PAQR8: variants seen among roughly 807,000 people sequenced by gnomAD.
PAQR8 encodes membrane progestin receptor beta.
PAQR8 carries 17 observed loss-of-function variants against 25.2 expected under a neutral mutation model. The ratio of observed to expected loss-of-function variants is 0.67; its 90% CI spans 0.46 to 1.01. The LOEUF (loss-of-function observed/expected upper bound fraction) is 1.01. PAQR8 is among the 50% of genes least tolerant of loss of function. The pLI, the probability that PAQR8 is intolerant of heterozygous loss-of-function variation, is 0.00. For missense variants in PAQR8, 392 were observed against 448.4 expected (o/e 0.87, Z 1.14); for synonymous variants, 204 against 190.6 (o/e 1.07, Z -0.58).
chr6:52,363,102 G>C (rs945866049), intron 1 of PAQR8, among the ~76,000 whole-genome samples: 3 of 152,162 alleles, frequency 2.0e-5, no homozygotes, highest in African/African-American at 7.2e-5. Flanking sequence ...TAGGGAGCAA[G>C]ACCGGGCATC....
chr6:52,393,647 A>G (rs1763735907), intron 1 of PAQR8, among the ~76,000 whole-genome samples: 1 of 152,100 alleles, frequency 6.6e-6, no homozygotes. Flanking sequence ...GACACTTTCC[A>G]TTCATTCATT....
rs192456360 is a variant in PAQR8 at position 52,377,750 on chromosome 6, A to G, written c.-53+15501A>G. On this transcript the variant is annotated intron_variant, in intron 1 of 1. Coordinates refer to ENST00000442253, the MANE Select transcript of PAQR8 (RefSeq NM_133367.5). Reference sequence around the variant, plus strand: ...GTTAAGAGCAAAACTTAAAGGGGAAACTTAACTTCCCCTTTAAGTTTTGCT... The same window carrying G: ...GTTAAGAGCAAAACTTAAAGGGGAAGCTTAACTTCCCCTTTAAGTTTTGCT... 6.5e-4 allele frequency among the ~76,000 whole-genome samples: 92 copies of G among 140,656 alleles called. 1 individual carries two copies. The East Asian group carries it at 0.018, about 28-fold the overall frequency. The allele number at this position is 140,656 out of a possible 152,430, so 92.3% of individuals were successfully genotyped here. A position where few individuals can be genotyped will look rare whatever the true frequency, so the allele number is the denominator to read the frequency against.
intron 1 of PAQR8, among the ~76,000 whole-genome samples, chr6:52,385,999 C>A (rs1194767983): frequency 6.6e-6 from 1 of 152,030 alleles, no homozygotes; most frequent in African/African-American, 2.4e-5. Flanking sequence ...CTTTAAATCA[C>A]CAAGCAAAAA....
chr6:52,401,891 A>G (rs1763834259), intron 1 of PAQR8, among the ~76,000 whole-genome samples: 1 of 152,244 alleles, frequency 6.6e-6, no homozygotes, highest in Non-Finnish European at 1.5e-5. Flanking sequence ...TCATGCTATT[A>G]AAGCCTGTTT....
At chr6:52,386,911 G>C (rs1232543292) in intron 1 of PAQR8, among the ~76,000 whole-genome samples, 1 of 152,198 alleles carries the variant, frequency 6.6e-6, no homozygotes, top group Non-Finnish European at 1.5e-5. Context: ...GTAGGTAATT[G>C]TAATATCATG....
At chr6:52,402,386 G>A (rs1413078876) in intron 1 of PAQR8, among the ~76,000 whole-genome samples, 3 of 151,732 alleles carry the variant, frequency 2.0e-5, no homozygotes, top group Admixed American at 6.6e-5. Context: ...GGGAGGCTGA[G>A]GTGGGCGGAT....
intron 1 of PAQR8, among the ~76,000 whole-genome samples, chr6:52,398,282 C>A (rs1429575278): frequency 2.7e-5 from 4 of 150,056 alleles, no homozygotes; most frequent in Non-Finnish European, 5.9e-5. Flanking sequence ...TCTTGGCTCA[C>A]TGCAACCTCC....
chr6:52,375,131 C>T (rs80038262), intron 1 of PAQR8, among the ~76,000 whole-genome samples: 1 of 152,176 alleles, frequency 6.6e-6, no homozygotes, highest in African/African-American at 2.4e-5. Context: ...ATAGTAGAGT[C>T]AGCTCGGGGG....
intron 1 of PAQR8, among the ~76,000 whole-genome samples, chr6:52,387,500 GA>G: frequency 6.6e-6 from 1 of 152,060 alleles, no homozygotes; most frequent in South Asian, 2.1e-4. Flanking sequence ...TAAAATCTTT[GA>G]AAAAATATTT....
At chr6:52,366,005 C>T (rs758310313) in intron 1 of PAQR8, among the ~76,000 whole-genome samples, 24 of 152,080 alleles carry the variant, frequency 1.6e-4, no homozygotes, top group Non-Finnish European at 2.6e-4. Flanking sequence ...TCTCTTGGCA[C>T]GTATTGAAAG....
chr6:52,366,166 T>A (rs1018828650), intron 1 of PAQR8, among the ~76,000 whole-genome samples: 8 of 152,020 alleles, frequency 5.3e-5, no homozygotes, highest in Middle Eastern at 3.2e-3. Context: ...AAATTTTATT[T>A]TATATATATA....
chr6:52,378,682 T>C (rs981413460), intron 1 of PAQR8, among the ~76,000 whole-genome samples: 1 of 151,856 alleles, frequency 6.6e-6, no homozygotes, highest in African/African-American at 2.4e-5. Context: ...TCCCAGCTAC[T>C]TGGGAGGCTG....
intron 1 of PAQR8, among the ~76,000 whole-genome samples, chr6:52,374,942 T>C (rs1483269148): frequency 3.4e-5 from 5 of 149,186 alleles, no homozygotes; most frequent in Non-Finnish European, 7.4e-5. Flanking sequence ...TAATATAATA[T>C]TATATTAATA....
chr6:52,386,184 TA>T (rs56273216), intron 1 of PAQR8, among the ~76,000 whole-genome samples: 107,964 of 151,788 alleles, frequency 0.71, 38,780 homozygotes, highest in African/African-American at 0.76. Context: ...TTATTTAAAT[TA>T]AAAAAAAATA....
At chr6:52,401,870 AAT>A (rs1238517226) in intron 1 of PAQR8, among the ~76,000 whole-genome samples, 1 of 152,208 alleles carries the variant, frequency 6.6e-6, no homozygotes, top group Non-Finnish European at 1.5e-5. Context: ...CTTATACTTC[AAT>A]ATGATATTTC....
At chr6:52,370,897 G>A (rs1325788292) in intron 1 of PAQR8, among the ~76,000 whole-genome samples, 1 of 152,176 alleles carries the variant, frequency 6.6e-6, no homozygotes, top group East Asian at 1.9e-4. Flanking sequence ...CAGGACCTCA[G>A]ATCTAGATTC....
chr6:52,397,227 AT>A (rs1453392563), intron 1 of PAQR8, among the ~76,000 whole-genome samples: 2 of 152,144 alleles, frequency 1.3e-5, no homozygotes, highest in Admixed American at 1.3e-4. Context: ...ACTTTCACTA[AT>A]TCCACTGCAC....
At chr6:52,377,407 A>G (rs1380723025) in intron 1 of PAQR8, among the ~76,000 whole-genome samples, 1 of 152,188 alleles carries the variant, frequency 6.6e-6, no homozygotes, top group Admixed American at 6.5e-5. Context: ...TTTGCCTCCA[A>G]GATCAATGCA....
chr6:52,384,129 T>A (rs190497479), intron 1 of PAQR8, among the ~76,000 whole-genome samples: 100 of 152,324 alleles, frequency 6.6e-4, no homozygotes, highest in African/African-American at 2.3e-3. Flanking sequence ...ATTTCACTCT[T>A]GATTTCAAGG....
Sources: allele counts gnomAD v4.1 joint callset (sites outside exome capture counted in the v4.1 genomes callset), GRCh38; gene constraint gnomAD v4.1.1; transcripts MANE v1.5; gene names NCBI Gene and HGNC (gene_info 2026-07-23, HGNC 2026-07-21).